SOX6: variants seen among roughly 807,000 people sequenced by gnomAD.
The protein encoded by SOX6 is SRY-box transcription factor 6.
A neutral mutation model predicts 97.8 loss-of-function variants in SOX6; 11 were observed. The observed-to-expected ratio is 0.11, with a 90% CI of 0.07 to 0.19. The LOEUF is 0.19. SOX6 is among the 10% of genes least tolerant of loss of function. The probability of loss-of-function intolerance (pLI) is 1.00; values close to 1 mark genes in which losing one functional copy is unlikely to be tolerated. For synonymous variants in SOX6, 360 were observed against 371.4 expected, an observed-to-expected ratio of 0.97 and a Z score of 0.35; for missense variants, 810 against 1,039.5, an observed-to-expected ratio of 0.78 and a Z score of 3.04.
intron 3 of SOX6, among the ~76,000 whole-genome samples, chr11:16,249,096 C>CG (rs34640986): frequency 0.78 from 114,523 of 146,648 alleles, 44,383 homozygotes; most frequent in Non-Finnish European, 0.8. Flanking sequence ...GGCTCTGTCT[C>CG]AAAAAAAAAA....
intron 2 of SOX6, among the ~76,000 whole-genome samples, chr11:16,337,356 A>G (rs1199017384): frequency 6.6e-6 from 1 of 152,188 alleles, no homozygotes; most frequent in East Asian, 1.9e-4. Flanking sequence ...TCCTTTCTAC[A>G]GTTACAATCT....
At chr11:16,676,607 T>C (rs1847886449) in intron 3 of SOX6, among the ~76,000 whole-genome samples, 1 of 152,188 alleles carries the variant, frequency 6.6e-6, no homozygotes, top group Admixed American at 6.5e-5. Context: ...TCTAAACAAA[T>C]TTTGTAAAGT....
At chr11:16,686,426 C>T (rs898734499) in intron 3 of SOX6, among the ~76,000 whole-genome samples, 1 of 152,136 alleles carries the variant, frequency 6.6e-6, no homozygotes, top group Admixed American at 6.5e-5. Context: ...GCCAGATACC[C>T]CTATGTCATC....
intron 4 of SOX6, among the ~76,000 whole-genome samples, chr11:16,216,579 C>A (rs1464622417): frequency 6.6e-6 from 1 of 151,228 alleles, no homozygotes; most frequent in Admixed American, 6.6e-5. Context: ...CAGAACCCTT[C>A]CTGCACTCTT....
At chr11:16,358,708 C>T (rs894340144), upstream of SOX6, among the ~76,000 whole-genome samples, 10 of 152,106 alleles carry the variant, frequency 6.6e-5, no homozygotes, top group African/African-American at 2.4e-4. Context: ...CTGAAGGAAA[C>T]AGAATCATGG....
At chr11:16,363,523 A>G (rs1008327390) in intron 1 of SOX6, among the ~76,000 whole-genome samples, 1 of 152,196 alleles carries the variant, frequency 6.6e-6, no homozygotes, top group African/African-American at 2.4e-5. Context: ...CCTGTATTAA[A>G]GATGTAGAAA....
intron 6 of SOX6, among the ~76,000 whole-genome samples, chr11:16,165,303 T>A (rs1386253670): frequency 6.6e-6 from 1 of 152,214 alleles, no homozygotes; most frequent in Non-Finnish European, 1.5e-5. Context: ...CAAATGTCTC[T>A]CTTACTAAAC....
chr11:16,000,735 CGT>C (rs199930093), intron 13 of SOX6, among the ~76,000 whole-genome samples: 16,461 of 151,880 alleles, frequency 0.11, 1,874 homozygotes, highest in East Asian at 0.35. Context: ...TGTGTGCGCG[CGT>C]GCGCGTGTGT....
At chr11:16,529,062 G>C (rs1787205271) in intron 4 of SOX6, among the ~76,000 whole-genome samples, 2 of 152,104 alleles carry the variant, frequency 1.3e-5, no homozygotes, top group South Asian at 4.1e-4. Flanking sequence ...CATCTTTGGA[G>C]CTTCAGACCA....
chr11:16,202,624 A>G (rs989786766), intron 4 of SOX6, among the ~76,000 whole-genome samples: 1 of 152,130 alleles, frequency 6.6e-6, no homozygotes, highest in Non-Finnish European at 1.5e-5. Context: ...TAATTCCCCA[A>G]TCATATGAGC....
intron 2 of SOX6, among the ~76,000 whole-genome samples, chr11:16,722,062 C>T (rs377671287): frequency 6.6e-6 from 1 of 151,836 alleles, no homozygotes; most frequent in Non-Finnish European, 1.5e-5. Context: ...AATGTAAAAC[C>T]AAAAACTATA....
At chr11:16,160,317 A>G (rs1589984288) in intron 6 of SOX6, among the ~76,000 whole-genome samples, 2 of 152,246 alleles carry the variant, frequency 1.3e-5, no homozygotes, top group East Asian at 3.9e-4. Context: ...CTTCACTCAA[A>G]TGGGAGAGCC....
intron 15 of SOX6, 85 bp from the exon 16 acceptor site, chr11:15,973,197 C>T: frequency 6.0e-6 from 8 of 1,325,538 alleles, no homozygotes; most frequent in Non-Finnish European, 8.5e-6. Context: ...ACACCCTACA[C>T]TTTCAAAAGG....
chr11:16,641,843 G>T (rs1023961413), intron 3 of SOX6, among the ~76,000 whole-genome samples: 34 of 152,218 alleles, frequency 2.2e-4, no homozygotes, highest in African/African-American at 8.2e-4. Flanking sequence ...ACACTGATGG[G>T]TCTTGACTCT....
intron 2 of SOX6, among the ~76,000 whole-genome samples, chr11:16,716,323 C>G (rs1453288247): frequency 6.6e-6 from 1 of 152,164 alleles, no homozygotes; most frequent in Non-Finnish European, 1.5e-5. Flanking sequence ...GCCAGAGGAT[C>G]ACCTGAGCTT....
At chr11:16,732,947 AAAG>A (rs1243047643) in intron 2 of SOX6, among the ~76,000 whole-genome samples, 1 of 152,248 alleles carries the variant, frequency 6.6e-6, no homozygotes, top group Non-Finnish European at 1.5e-5. Flanking sequence ...ACACTTCTCA[AAAG>A]AAGACACTTA....
At chr11:16,225,259 T>C (rs991293856) in intron 4 of SOX6, among the ~76,000 whole-genome samples, 1 of 152,064 alleles carries the variant, frequency 6.6e-6, no homozygotes, top group Non-Finnish European at 1.5e-5. Flanking sequence ...AAAAATTTTA[T>C]CAGAGTTGAA....
chr11:16,662,620 C>A (rs1667762551), intron 3 of SOX6, among the ~76,000 whole-genome samples: 1 of 151,844 alleles, frequency 6.6e-6, no homozygotes, highest in Non-Finnish European at 1.5e-5. Flanking sequence ...ATTAGCAGAA[C>A]AAAGGAGAAA....
At chr11:16,021,182 C>A (rs550606348) in intron 12 of SOX6, among the ~76,000 whole-genome samples, 1 of 152,118 alleles carries the variant, frequency 6.6e-6, no homozygotes, top group Admixed American at 6.6e-5. Context: ...AAAGAAGATA[C>A]TACATATCAT....
Sources: allele counts gnomAD v4.1 joint callset (sites outside exome capture counted in the v4.1 genomes callset), GRCh38; gene constraint gnomAD v4.1.1; transcripts MANE v1.5; gene names NCBI Gene and HGNC (gene_info 2026-07-23, HGNC 2026-07-21).